The following TMCC1 variants were observed in gnomAD, a reference collection of about 807,000 sequenced individuals.
TMCC1 encodes the protein transmembrane and coiled-coil domains protein 1.
TMCC1 carries 15 observed loss-of-function variants against 52.4 expected under a neutral mutation model. The observed-to-expected ratio is 0.29, with a 90% confidence interval of 0.19 to 0.44. The LOEUF is 0.44. Ranked by LOEUF, TMCC1 falls within the 20% of genes least tolerant of loss-of-function variation. The probability of loss-of-function intolerance (pLI) is 1.00; values close to 1 mark genes in which losing one functional copy is unlikely to be tolerated. For missense variants in TMCC1, 503 were observed against 806.0 expected (o/e 0.62, Z 4.55); for synonymous variants, 279 against 301.9 (o/e 0.92, Z 0.79).
intron 2 of TMCC1, among the ~76,000 whole-genome samples, chr3:129,857,997 G>A (rs1360279421): frequency 6.6e-6 from 1 of 152,202 alleles, no homozygotes; most frequent in Non-Finnish European, 1.5e-5. Flanking sequence ...CAGCCAGCAG[G>A]CAGAAAAGCT....
intron 4 of TMCC1, among the ~76,000 whole-genome samples, chr3:129,736,004 A>G (rs1027283257): frequency 6.6e-6 from 1 of 152,204 alleles, no homozygotes; most frequent in Non-Finnish European, 1.5e-5. Flanking sequence ...TTATCTGTAG[A>G]CCTTAAGTAA....
intron 4 of TMCC1, among the ~76,000 whole-genome samples, chr3:129,763,207 AAAATAAATAAATAAATAAATAAAT>A (rs201181579): frequency 5.3e-5 from 7 of 131,352 alleles, no homozygotes; most frequent in Non-Finnish European, 1.1e-4. Flanking sequence ...CAAAAAATAA[AAAATAAATAAATAAATAAATAAAT>A]AAATAAATAA....
At chr3:129,827,757 A>G in intron 4 of TMCC1, 46 bp downstream of exon 4, 1 of 1,583,294 alleles carries the variant, frequency 6.3e-7, no homozygotes, top group Non-Finnish European at 8.6e-7. Context: ...AGTCCTAGGT[A>G]TGAAAAACAG....
At chr3:129,817,814 AT>A (rs559023834) in intron 4 of TMCC1, among the ~76,000 whole-genome samples, 4 of 150,770 alleles carry the variant, frequency 2.7e-5, no homozygotes, top group Non-Finnish European at 5.9e-5. Context: ...CACCCAGCTA[AT>A]TTTTTTTTCT....
At chr3:129,868,659 C>CG (rs1464826367) in intron 2 of TMCC1, among the ~76,000 whole-genome samples, 6 of 152,260 alleles carry the variant, frequency 3.9e-5, no homozygotes, top group African/African-American at 1.4e-4. Context: ...GGCTGGTCCT[C>CG]GGACTCCTGA....
At chr3:129,888,151 T>C (rs1577236455) in intron 1 of TMCC1, among the ~76,000 whole-genome samples, 1 of 152,360 alleles carries the variant, frequency 6.6e-6, no homozygotes, top group East Asian at 1.9e-4. Context: ...TGGAATGGAA[T>C]AATTAATTCT....
chr3:129,708,845 C>T (rs1204076391), intron 4 of TMCC1, among the ~76,000 whole-genome samples: 2 of 152,190 alleles, frequency 1.3e-5, no homozygotes, highest in Non-Finnish European at 2.9e-5. Flanking sequence ...TGAAATCCGG[C>T]ATACCCTATG....
intron 4 of TMCC1, among the ~76,000 whole-genome samples, chr3:129,781,714 G>A (rs780821368): frequency 1.2e-4 from 19 of 152,246 alleles, no homozygotes; most frequent in Non-Finnish European, 1.2e-4. Context: ...ATGTAAGAGT[G>A]AGTGAGAAAG....
intron 4 of TMCC1, among the ~76,000 whole-genome samples, chr3:129,799,561 A>G (rs1050198186): frequency 8.5e-5 from 13 of 152,272 alleles, no homozygotes; most frequent in African/African-American, 3.1e-4. Flanking sequence ...TTGTAGTCCC[A>G]GCGCTTTGGG....
chr3:129,788,277 A>G (rs1385050423), intron 4 of TMCC1, among the ~76,000 whole-genome samples: 1 of 152,166 alleles, frequency 6.6e-6, no homozygotes, highest in Admixed American at 6.5e-5. Flanking sequence ...TCAACAATTT[A>G]TTACTGTTGT....
At chr3:129,793,979 CCA>C (rs1336507161) in intron 4 of TMCC1, among the ~76,000 whole-genome samples, 5 of 152,180 alleles carry the variant, frequency 3.3e-5, no homozygotes, top group Non-Finnish European at 7.3e-5. Context: ...TCCTCTTGGT[CCA>C]CAAGCTGACA....
At chr3:129,740,784 G>A (rs1024745808) in intron 4 of TMCC1, among the ~76,000 whole-genome samples, 1 of 152,094 alleles carries the variant, frequency 6.6e-6, no homozygotes, top group Non-Finnish European at 1.5e-5. Flanking sequence ...TCCCCATTGT[G>A]ACTTCATTAC....
At chr3:129,693,375 T>C (rs2108954441) in intron 4 of TMCC1, among the ~76,000 whole-genome samples, 1 of 152,290 alleles carries the variant, frequency 6.6e-6, no homozygotes, top group African/African-American at 2.4e-5. Flanking sequence ...TTTACAATTG[T>C]AGTACCTTAT....
At chr3:129,671,411 G>T in intron 4 of TMCC1, 147 bp from the exon 5 acceptor site, 2 of 823,286 alleles carry the variant, frequency 2.4e-6, no homozygotes, top group Non-Finnish European at 3.7e-6. Flanking sequence ...TGCCAGCCCT[G>T]TCTCCCTCTT....
At chr3:129,841,496 ATCACTT>A (rs1205955734) in intron 2 of TMCC1, among the ~76,000 whole-genome samples, 7 of 152,180 alleles carry the variant, frequency 4.6e-5, no homozygotes, top group African/African-American at 1.7e-4. Context: ...AGGCAGGAGA[ATCACTT>A]GAACTGGGAG....
At chr3:129,798,592 T>C (rs1395547950) in intron 4 of TMCC1, among the ~76,000 whole-genome samples, 1 of 150,386 alleles carries the variant, frequency 6.6e-6, no homozygotes, top group Non-Finnish European at 1.5e-5. Context: ...GAAACTTAAT[T>C]TCCCTCACTA....
At position 129,813,991 on chromosome 3, in the gene TMCC1, T is replaced by C. The variant is rs561549232; in HGVS notation, c.576+13812A>G. On this transcript the variant is annotated intron_variant, in intron 4 of 6. Coordinates refer to ENST00000393238, the MANE Select transcript of TMCC1 (RefSeq NM_001017395.5). ...CCTTAAGTTCTTTTTCCTTATTTTT[T>C]TTTTTTGTATAATAAAGCAGGGTAA... 6.0e-3 allele frequency among the ~76,000 whole-genome samples: 916 copies of C among 152,010 alleles called. 3 individuals are homozygous for C. Among genetic ancestry groups the C allele is most frequent in the Middle Eastern group, 0.014 (4 of 294 alleles).
intron 4 of TMCC1, among the ~76,000 whole-genome samples, chr3:129,674,677 C>CT (rs1432494217): frequency 1.3e-5 from 2 of 152,172 alleles, no homozygotes; most frequent in Non-Finnish European, 2.9e-5. Context: ...GTGATATACT[C>CT]TGAGTTAGGA....
At chr3:129,678,359 C>CTTTTTTTTTTT (rs71155564) in intron 4 of TMCC1, among the ~76,000 whole-genome samples, 1 of 117,202 alleles carries the variant, frequency 8.5e-6, no homozygotes. Context: ...TTGTTTAATT[C>CTTTTTTTTTTT]TTTTTTTTTT....
Sources: gnomAD v4.1 joint callset for allele counts (sites outside exome capture counted in the v4.1 genomes callset) on GRCh38, gnomAD v4.1.1 for gene constraint, MANE v1.5 for transcripts, NCBI Gene and HGNC (gene_info 2026-07-23, HGNC 2026-07-21) for gene names.